NID1: variants seen among roughly 807,000 people sequenced by gnomAD.
The protein encoded by NID1 is nidogen 1.
NID1 carries 76 observed loss-of-function variants against 130.6 expected under a neutral mutation model. The ratio of observed to expected loss-of-function variants is 0.58; its 90% CI spans 0.48 to 0.70. The LOEUF (loss-of-function observed/expected upper bound fraction) is 0.70. Ranked by LOEUF, NID1 falls within the 30% of genes least tolerant of loss-of-function variation. The pLI is 0.00. For missense variants in NID1, 1,517 were observed against 1,664.8 expected, an observed-to-expected ratio of 0.91 and a Z score of 1.54; for synonymous variants, 665 against 675.1, an observed-to-expected ratio of 0.98 and a Z score of 0.23.
chr1:236,002,451 C>G (rs543523309), intron 12 of NID1, among the ~76,000 whole-genome samples: 1 of 152,008 alleles, frequency 6.6e-6, no homozygotes, highest in Non-Finnish European at 1.5e-5. Flanking sequence ...TGCAGTGAGC[C>G]GAGATGGCAC....
At chr1:236,054,214 G>C (rs1373154743) in intron 1 of NID1, among the ~76,000 whole-genome samples, 1 of 152,188 alleles carries the variant, frequency 6.6e-6, no homozygotes, top group Non-Finnish European at 1.5e-5. Flanking sequence ...CCAGTATTTT[G>C]GGAGGCAAAG....
Position 236,036,303 on chromosome 1 carries a change from C to T in NID1, c.1285+1801G>A, listed in dbSNP as rs1572610627. On this transcript the variant is annotated intron_variant, in intron 5 of 19. Transcript: ENST00000264187. ...CCCTAAAATTAATAAGTAAAGCATA[C>T]TCAATTGTCTTCCATTGCTGAAGGT... 3.3e-5 allele frequency among the ~76,000 whole-genome samples: 5 copies of T among 152,320 alleles called. No homozygotes were observed. In the East Asian group the frequency reaches 7.7e-4, roughly 24 times the overall value.
intron 3 of NID1, among the ~76,000 whole-genome samples, chr1:236,043,156 T>C (rs1228684652): frequency 6.6e-6 from 1 of 152,226 alleles, no homozygotes; most frequent in Non-Finnish European, 1.5e-5. Context: ...TCCAGAGTTG[T>C]ATCCTTTAGA....
intron 12 of NID1, among the ~76,000 whole-genome samples, chr1:236,005,017 A>G (rs181558193): frequency 6.6e-6 from 1 of 151,744 alleles, no homozygotes; most frequent in Admixed American, 6.6e-5. Flanking sequence ...TCTACTAAAA[A>G]TACAAAATTA....
At chr1:236,010,544 T>G (rs1658381600) in intron 12 of NID1, among the ~76,000 whole-genome samples, 1 of 152,142 alleles carries the variant, frequency 6.6e-6, no homozygotes, top group Non-Finnish European at 1.5e-5. Flanking sequence ...AAGTAATCTG[T>G]CCACCTCGAT....
chr1:236,007,090 C>T (rs926780832), intron 12 of NID1, among the ~76,000 whole-genome samples: 5 of 152,176 alleles, frequency 3.3e-5, no homozygotes, highest in African/African-American at 1.2e-4. Flanking sequence ...GGGGCACGAT[C>T]ATAGCTCACT....
intron 5 of NID1, among the ~76,000 whole-genome samples, chr1:236,034,151 T>C (rs1295704510): frequency 6.6e-6 from 1 of 152,152 alleles, no homozygotes; most frequent in African/African-American, 2.4e-5. Context: ...CTGGGCCTGG[T>C]GGCTCATATC....
At chr1:235,997,726 C>G (rs1344717195) in intron 12 of NID1, among the ~76,000 whole-genome samples, 1 of 151,874 alleles carries the variant, frequency 6.6e-6, no homozygotes, top group Non-Finnish European at 1.5e-5. Flanking sequence ...CCTGTCTCAG[C>G]CTCCTGAGTA....
At chr1:235,978,631 CAT>C (rs944608774) in intron 19 of NID1, among the ~76,000 whole-genome samples, 2 of 152,188 alleles carry the variant, frequency 1.3e-5, no homozygotes, top group Admixed American at 6.5e-5. Context: ...AAGTGCCACA[CAT>C]ATGTTTTCAA....
At chr1:236,043,626 G>A (rs997849797) in intron 3 of NID1, among the ~76,000 whole-genome samples, 14 of 152,134 alleles carry the variant, frequency 9.2e-5, no homozygotes, top group African/African-American at 2.2e-4. Flanking sequence ...GTGAAACCCC[G>A]TCTCTACTAA....
At chr1:236,006,257 A>G (rs1174773045) in intron 12 of NID1, among the ~76,000 whole-genome samples, 1 of 152,218 alleles carries the variant, frequency 6.6e-6, no homozygotes, top group African/African-American at 2.4e-5. Flanking sequence ...GAAAGTAATG[A>G]TGAAATTAGA....
chr1:236,048,868 C>T lies in NID1; in HGVS notation c.347G>A (p.Gly116Asp). The T allele has an allele frequency of 6.2e-7, 1 of 1,614,146 alleles. No individual in the cohort carries two copies. The highest frequency in any genetic ancestry group is 8.5e-7 in the Non-Finnish European group (1 of 1,180,026). Residue 116 changes from glycine to aspartate, a missense_variant, in exon 2 of 20, where the codon GGC (glycine) becomes GAC (aspartate). Physicochemically the swap from Gly to Asp is moderately conservative, Grantham distance 94. This residue lies in a region of NID1 where 1,329 missense variants were observed against 1,429.2 expected (regional missense o/e 0.93). Transcript: ENST00000264187. ...PFLADLDTTD[G>D]LGKVYYREDL... ...TTCTCGATAATAAACCTTCCCCAGG[C>T]CATCGGTCGTGTCCAAGTCCGCCAG... is the stretch of plus-strand genomic sequence containing the variant.
In NID1 at chr1:235,985,278, T is replaced by C. The variant is rs1263330386; in HGVS notation, c.3055+101A>G. The C allele has an allele frequency of 2.5e-6, 3 of 1,209,360 alleles. No homozygotes were observed. The Admixed American group carries it at 5.4e-5, about 22-fold the overall frequency. The allele number at this position is 1,209,360 out of a possible 1,614,324, so 74.9% of individuals were successfully genotyped here. A position where few individuals can be genotyped will look rare whatever the true frequency, so the allele number is the denominator to read the frequency against. ...ATGCAACAAAAGACTGAGAAATGTT[T>C]GTGAAAGTTTGGCTTCATTTGCTGT... On this transcript the variant is annotated intron_variant, in intron 15 of 19. Transcript: ENST00000264187.
chr1:235,990,885 C>G lies in NID1; in HGVS notation c.2928+1G>C. On this transcript the variant is annotated splice_donor_variant, in intron 14 of 19. Transcript: ENST00000264187. LOFTEE classifies it high-confidence loss of function. ...ACCAGGTATAATCAGCCAGCACTCA[C>G]CGGGACATGAAGGAACGCCTTTGCT... 6.2e-7 allele frequency: 1 copy of G among 1,614,120 alleles called. No individual in the cohort carries two copies. Among genetic ancestry groups the G allele is most frequent in the African/African-American group, 1.3e-5 (1 of 75,038 alleles).
chr1:236,030,012 C>T (rs77561789), intron 6 of NID1, among the ~76,000 whole-genome samples: 2,796 of 152,218 alleles, frequency 0.018, 34 homozygotes, highest in Middle Eastern at 0.031. Flanking sequence ...CTGGAAATAG[C>T]GGAGGACAGG....
At chr1:236,001,240 G>A (rs919033585) in intron 12 of NID1, among the ~76,000 whole-genome samples, 30 of 151,998 alleles carry the variant, frequency 2.0e-4, no homozygotes, top group African/African-American at 6.3e-4. Context: ...CAAGTAGCTG[G>A]GATTACAGGC....
intron 2 of NID1, among the ~76,000 whole-genome samples, chr1:236,048,258 C>T (rs1013311189): frequency 1.3e-5 from 2 of 151,486 alleles, no homozygotes; most frequent in African/African-American, 2.4e-5. Context: ...TGGTGTGAAC[C>T]GGGGAGGCGA....
intron 1 of NID1, among the ~76,000 whole-genome samples, chr1:236,054,611 G>A (rs1659845248): frequency 6.6e-6 from 1 of 152,008 alleles, no homozygotes. Flanking sequence ...ATTTCTTAAA[G>A]TATGATCATG....
At chr1:235,985,573 T>G in intron 14 of NID1, 68 bp from the exon 15 acceptor site, 2 of 1,562,686 alleles carry the variant, frequency 1.3e-6, no homozygotes, top group Non-Finnish European at 1.8e-6. Flanking sequence ...TCTTTTTGCG[T>G]GCCTACAGGC....
Sources: gnomAD v4.1 joint callset for allele counts (sites outside exome capture counted in the v4.1 genomes callset) on GRCh38, gnomAD v4.1.1 for gene constraint, gnomAD v4.1.1 regional missense constraint, MANE v1.5 for transcripts, NCBI Gene and HGNC (gene_info 2026-07-23, HGNC 2026-07-21) for gene names.